CRPPA: variants seen among roughly 807,000 people sequenced by gnomAD.
The protein encoded by CRPPA is D-ribitol-5-phosphate cytidylyltransferase.
CRPPA carries 43 observed loss-of-function variants against 52.0 expected under a neutral mutation model. The ratio of observed to expected loss-of-function variants is 0.83; its 90% CI spans 0.65 to 1.07. The LOEUF (loss-of-function observed/expected upper bound fraction) is 1.07. Among genes scored for constraint, CRPPA ranks in the 50% least tolerant of loss-of-function variants. The probability of loss-of-function intolerance (pLI) is 0.00; values close to 1 mark genes in which losing one functional copy is unlikely to be tolerated. For synonymous variants in CRPPA, 250 were observed against 203.5 expected (o/e 1.23, Z -1.94); for missense variants, 629 against 551.7 (o/e 1.14, Z -1.40).
At chr7:16,275,502 C>T (rs1226698482) in intron 6 of CRPPA, among the ~76,000 whole-genome samples, 1 of 152,156 alleles carries the variant, frequency 6.6e-6, no homozygotes, top group Non-Finnish European at 1.5e-5. Context: ...CTCATCCCTT[C>T]CTCCTAAAAC....
At chr7:16,143,181 C>T (rs928443329) in intron 9 of CRPPA, among the ~76,000 whole-genome samples, 1 of 152,120 alleles carries the variant, frequency 6.6e-6, no homozygotes. Flanking sequence ...AGAAATAAAA[C>T]AAAAACAGAA....
At chr7:16,369,298 A>G (rs578105762) in intron 3 of CRPPA, among the ~76,000 whole-genome samples, 36 of 152,348 alleles carry the variant, frequency 2.4e-4, no homozygotes, top group African/African-American at 8.2e-4. Context: ...GGCTGCATGC[A>G]CTGGTGGTCA....
At chr7:16,234,928 A>G (rs192878877) in intron 8 of CRPPA, among the ~76,000 whole-genome samples, 3 of 152,228 alleles carry the variant, frequency 2.0e-5, no homozygotes, top group Admixed American at 2.0e-4. Context: ...AACACATCTA[A>G]GTCAGGTCAC....
chr7:16,274,739 T>C (rs759324491), intron 6 of CRPPA, among the ~76,000 whole-genome samples: 12 of 152,180 alleles, frequency 7.9e-5, no homozygotes, highest in Non-Finnish European at 1.8e-4. Context: ...TGTCTGTCTA[T>C]ATTTATAGAC....
At chr7:16,374,727 A>C (rs10268932) in intron 3 of CRPPA, among the ~76,000 whole-genome samples, 28 of 152,260 alleles carry the variant, frequency 1.8e-4, no homozygotes, top group African/African-American at 6.7e-4. Context: ...CCACTAATGC[A>C]GTAGGTCCCA....
chr7:16,369,112 A>C (rs910014600), intron 3 of CRPPA, among the ~76,000 whole-genome samples: 1 of 152,316 alleles, frequency 6.6e-6, no homozygotes, highest in South Asian at 2.1e-4. Context: ...AAAACCTCTC[A>C]GACACCAAGT....
intron 8 of CRPPA, among the ~76,000 whole-genome samples, chr7:16,236,261 A>G (rs1782947614): frequency 6.6e-6 from 1 of 152,116 alleles, no homozygotes. Flanking sequence ...CAGAGGAGTC[A>G]TGCTGGTGAC....
In CRPPA at chr7:16,387,058, T is replaced by G. The variant is rs1252591532; in HGVS notation, c.535-10817A>C. Among the ~76,000 whole-genome samples the G allele has an allele frequency of 4.8e-3, 351 of 72,628 alleles. 11 individuals are homozygous for G. The highest frequency in any genetic ancestry group is 0.043 in the Admixed American group (327 of 7,556). The allele number at this position is 72,628 out of a possible 152,430, so 47.6% of individuals were successfully genotyped here. A position where few individuals can be genotyped will look rare whatever the true frequency, so the allele number is the denominator to read the frequency against. On this transcript the variant is annotated intron_variant, in intron 2 of 9. Transcript: ENST00000407010. ...AATAAAAAAAAGATATATATATATA[T>G]ATATATATATATATATATATATATA...
chr7:16,226,706 G>C (rs1221657872), intron 8 of CRPPA, among the ~76,000 whole-genome samples: 4 of 151,944 alleles, frequency 2.6e-5, no homozygotes, highest in Non-Finnish European at 5.9e-5. Context: ...AGGCAGATAA[G>C]ATTGATAAGT....
chr7:16,413,546 C>T (rs1239424457), intron 1 of CRPPA, among the ~76,000 whole-genome samples: 4 of 152,190 alleles, frequency 2.6e-5, no homozygotes, highest in African/African-American at 9.7e-5. Context: ...AAATATTTCT[C>T]CTGTCTTCTC....
At chr7:16,371,375 C>G (rs143769980) in intron 3 of CRPPA, among the ~76,000 whole-genome samples, 11 of 152,188 alleles carry the variant, frequency 7.2e-5, no homozygotes, top group African/African-American at 2.4e-4. Flanking sequence ...TGCCCACACA[C>G]CAAGTACCCA....
intron 9 of CRPPA, among the ~76,000 whole-genome samples, chr7:16,178,052 A>G (rs1781338939): frequency 8.2e-6 from 1 of 121,636 alleles, no homozygotes; most frequent in Non-Finnish European, 1.8e-5. Context: ...GCTGTTGTCT[A>G]AAAGAAGGCA....
Position 16,321,712 on chromosome 7 carries a change from T to C in CRPPA, c.685-13085A>G, listed in dbSNP as rs996670296. ...TCTGTTGGTTAGTTGGAGGAACCAA[T>C]TGGATTTAAGTTACCCATAGGACAA... On this transcript the variant is annotated intron_variant, in intron 3 of 9. Coordinates refer to ENST00000407010, the MANE Select transcript of CRPPA (RefSeq NM_001101426.4). Among the ~76,000 whole-genome samples, 5 of 152,208 alleles carry C rather than the reference T, an allele frequency of 3.3e-5. 1 individual carries two copies. Among genetic ancestry groups the C allele is most frequent in the East Asian group, 3.9e-4 (2 of 5,166 alleles).
chr7:16,299,253 A>G (rs1370657602), intron 5 of CRPPA, among the ~76,000 whole-genome samples: 3 of 152,196 alleles, frequency 2.0e-5, no homozygotes, highest in African/African-American at 7.2e-5. Flanking sequence ...ACTATCAGAG[A>G]TAGCCTTGAG....
chr7:16,389,636 AGTTAAGATCAT>A (rs1187420802), intron 2 of CRPPA, among the ~76,000 whole-genome samples: 3 of 152,026 alleles, frequency 2.0e-5, no homozygotes, highest in Non-Finnish European at 4.4e-5. Context: ...AAAAATCCAC[AGTTAAGATCAT>A]GCTTACTGGT....
chr7:16,256,982 A>G (rs935922843), intron 8 of CRPPA, among the ~76,000 whole-genome samples: 1 of 152,106 alleles, frequency 6.6e-6, no homozygotes, highest in African/African-American at 2.4e-5. Context: ...GTTAATTTGG[A>G]GTCATCTCAT....
At position 16,208,839 on chromosome 7, in the gene CRPPA, A is replaced by G. The variant is rs184676218; in HGVS notation, c.1251+7227T>C. ...ACTACCCCTTAGTGGCTGGCACATT[A>G]TGTTGTATATAATGACATTGGGCAC... On this transcript the variant is annotated intron_variant, in intron 9 of 9. Transcript: ENST00000407010. 1.6e-3 allele frequency: 298 copies of G among 189,332 alleles called. 1 individual carries two copies. Among genetic ancestry groups the G allele is most frequent in the Non-Finnish European group, 1.7e-3 (156 of 89,740 alleles). 11.7% of individuals were successfully genotyped at this position (189,332 alleles called of 1,614,324 possible). A position where few individuals can be genotyped will look rare whatever the true frequency, so the allele number is the denominator to read the frequency against.
chr7:16,292,563 A>G (rs1261363306), intron 5 of CRPPA, among the ~76,000 whole-genome samples: 1 of 152,010 alleles, frequency 6.6e-6, no homozygotes, highest in East Asian at 1.9e-4. Flanking sequence ...AGTTTTGACT[A>G]TATCCATCCA....
Position 16,301,420 on chromosome 7 carries a change from C to A in CRPPA, c.835+1G>T, listed in dbSNP as rs1233517355. 1.2e-6 allele frequency: 2 copies of A among 1,611,246 alleles called. No homozygotes were observed. Among genetic ancestry groups the A allele is most frequent in the Non-Finnish European group, 1.7e-6 (2 of 1,178,126 alleles). Reference sequence around the variant, plus strand: ...ACTGACAGTCATAAGGCCAAACATACCCTTAATAATCGATTCAGCCGCATA... The same window carrying A: ...ACTGACAGTCATAAGGCCAAACATAACCTTAATAATCGATTCAGCCGCATA... On this transcript the variant is annotated splice_donor_variant, in intron 5 of 9. Coordinates refer to ENST00000407010, the MANE Select transcript of CRPPA (RefSeq NM_001101426.4). LOFTEE classifies it high-confidence loss of function.
Sources: allele counts gnomAD v4.1 joint callset (sites outside exome capture counted in the v4.1 genomes callset), GRCh38; gene constraint gnomAD v4.1.1; transcripts MANE v1.5; gene names NCBI Gene and HGNC (gene_info 2026-07-23, HGNC 2026-07-21).